GTF2IRD1: variants seen among roughly 807,000 people sequenced by gnomAD.
The protein encoded by GTF2IRD1 is GTF2I repeat domain containing 1.
GTF2IRD1 carries 26 observed loss-of-function variants against 113.2 expected under a neutral mutation model. That is an observed-to-expected ratio of 0.23 (90% CI 0.17 to 0.32). The LOEUF (loss-of-function observed/expected upper bound fraction) is 0.32. Among genes scored for constraint, GTF2IRD1 ranks in the 10% least tolerant of loss-of-function variants. The pLI, the probability that GTF2IRD1 is intolerant of heterozygous loss-of-function variation, is 1.00. For missense variants in GTF2IRD1, 864 were observed against 1,280.8 expected (o/e 0.67, Z 4.97); for synonymous variants, 484 against 529.1 (o/e 0.91, Z 1.17).
chr7:74,509,284 G>A (rs545610274), intron 2 of GTF2IRD1, among the ~76,000 whole-genome samples: 1 of 152,228 alleles, frequency 6.6e-6, no homozygotes, highest in Non-Finnish European at 1.5e-5. Flanking sequence ...TTGAACCCTG[G>A]AAGTGGAGGT....
chr7:74,538,803 C>T (rs1428875564), intron 13 of GTF2IRD1, 43 bp downstream of exon 13: 16 of 1,067,632 alleles, frequency 1.5e-5, no homozygotes, highest in South Asian at 1.1e-4. Flanking sequence ...AAATCAGGGC[C>T]GGACCGTTAG....
intron 2 of GTF2IRD1, among the ~76,000 whole-genome samples, chr7:74,508,936 T>C (rs1283686180): frequency 6.6e-6 from 1 of 152,114 alleles, no homozygotes; most frequent in Non-Finnish European, 1.5e-5. Flanking sequence ...CTTTGTATAA[T>C]ACATCACTCC....
chr7:74,549,653 T>C (rs1195370281), intron 17 of GTF2IRD1, among the ~76,000 whole-genome samples: 1 of 151,998 alleles, frequency 6.6e-6, no homozygotes, highest in East Asian at 1.9e-4. Context: ...AAAAGGAAGA[T>C]TGAGCCAGGC....
chr7:74,535,096 C>T lies in GTF2IRD1; in HGVS notation c.1275-17C>T. 6.2e-7 allele frequency: 1 copy of T among 1,611,008 alleles called. No homozygotes were observed. Among genetic ancestry groups the T allele is most frequent in the Non-Finnish European group, 8.5e-7 (1 of 1,177,214 alleles). On this transcript the variant is annotated splice_polypyrimidine_tract_variant and intron_variant, in intron 9 of 26. Coordinates refer to ENST00000424337, the MANE Select transcript of GTF2IRD1 (RefSeq NM_005685.4). ...CAGCCTGCACTGTTCTCATGCCTGT[C>T]TCTCTTCTCTCCCCAGGATGTTTGA...
chr7:74,477,412 G>A (rs1401525521), intron 1 of GTF2IRD1, among the ~76,000 whole-genome samples: 2 of 151,272 alleles, frequency 1.3e-5, no homozygotes, highest in East Asian at 1.9e-4. Context: ...GGGGTGGGAC[G>A]GGGCAGGGCA....
chr7:74,541,289 G>A (rs1461779448), intron 14 of GTF2IRD1, among the ~76,000 whole-genome samples: 6 of 151,572 alleles, frequency 4.0e-5, no homozygotes, highest in Non-Finnish European at 5.9e-5. Context: ...CCAGGAGTTC[G>A]AGACCAGCCT....
At chr7:74,532,571 C>T (rs948768513) in intron 9 of GTF2IRD1, among the ~76,000 whole-genome samples, 4 of 152,014 alleles carry the variant, frequency 2.6e-5, no homozygotes, top group African/African-American at 9.7e-5. Context: ...AATAATAAAA[C>T]GACAACCAAT....
At chr7:74,510,015 T>C (rs1554342457) in intron 2 of GTF2IRD1, among the ~76,000 whole-genome samples, 2 of 151,854 alleles carry the variant, frequency 1.3e-5, no homozygotes, top group African/African-American at 4.8e-5. Flanking sequence ...GGGTACAAAG[T>C]CTCCCCGAAA....
rs1554369341 is a variant in GTF2IRD1, at chr7:74,590,908, C to G, written c.2482C>G (p.Leu828Val). The G allele has an allele frequency of 1.2e-6, 2 of 1,613,600 alleles. No homozygotes were observed. The highest frequency in any genetic ancestry group is 1.7e-6 in the Non-Finnish European group (2 of 1,179,698). Residue 828 changes from leucine to valine, a missense_variant, in exon 24 of 27, where the codon CTG (leucine) becomes GTG (valine). By Grantham distance (32) the Leu-to-Val change is conservative (BLOSUM62 1). Transcript: ENST00000424337. Reference sequence around the variant, plus strand: ...CCCAGACGCCGTGGAGGTCACGGGTCTGCCTGATGACATCCCCTTCCGGAA... The same window carrying G: ...CCCAGACGCCGTGGAGGTCACGGGTGTGCCTGATGACATCCCCTTCCGGAA... ...DSPDAVEVTG[L>V]PDDIPFRNPN...
intron 7 of GTF2IRD1, among the ~76,000 whole-genome samples, chr7:74,522,035 C>T (rs958137629): frequency 2.8e-4 from 43 of 152,166 alleles, no homozygotes; most frequent in Middle Eastern, 3.4e-3. Context: ...CTAGCCTTGA[C>T]GGGGCTGCTT....
At chr7:74,549,420 AT>A (rs1159070646) in intron 17 of GTF2IRD1, among the ~76,000 whole-genome samples, 3 of 152,068 alleles carry the variant, frequency 2.0e-5, no homozygotes, top group Admixed American at 2.0e-4. Flanking sequence ...TCACAGCGTC[AT>A]TTTTCATACA....
chr7:74,504,611 G>T (rs916526578), intron 1 of GTF2IRD1, among the ~76,000 whole-genome samples: 1 of 152,094 alleles, frequency 6.6e-6, no homozygotes, highest in Non-Finnish European at 1.5e-5. Context: ...ACTGGCTGAG[G>T]CCTGGAGCTA....
intron 17 of GTF2IRD1, among the ~76,000 whole-genome samples, chr7:74,551,793 G>A (rs185065678): frequency 5.3e-5 from 8 of 152,050 alleles, no homozygotes; most frequent in East Asian, 1.9e-4. Flanking sequence ...AAAATTAGCC[G>A]GGTGTGGTGG....
chr7:74,491,532 T>C (rs1188508415), intron 1 of GTF2IRD1, among the ~76,000 whole-genome samples: 2 of 152,072 alleles, frequency 1.3e-5, no homozygotes, highest in South Asian at 2.1e-4. Flanking sequence ...TCTGTGTCCA[T>C]GTGTTCTCAT....
At chr7:74,472,290 C>T (rs1316598919) in intron 1 of GTF2IRD1, among the ~76,000 whole-genome samples, 2 of 152,196 alleles carry the variant, frequency 1.3e-5, no homozygotes, top group Non-Finnish European at 2.9e-5. Context: ...CCTAACCCCT[C>T]TTGGGGTTTC....
intron 19 of GTF2IRD1, among the ~76,000 whole-genome samples, chr7:74,556,305 G>A (rs1432241737): frequency 2.0e-5 from 3 of 151,570 alleles, no homozygotes; most frequent in African/African-American, 7.3e-5. Context: ...GATCCCTCCA[G>A]CACATGCTGG....
At chr7:74,475,353 G>A (rs971408006) in intron 1 of GTF2IRD1, among the ~76,000 whole-genome samples, 14 of 152,240 alleles carry the variant, frequency 9.2e-5, no homozygotes, top group African/African-American at 2.9e-4. Flanking sequence ...GGAAGGGACA[G>A]GGTGTTAATA....
chr7:74,583,012 TAAATTA>T (rs1444932033), intron 22 of GTF2IRD1, among the ~76,000 whole-genome samples: 3 of 151,842 alleles, frequency 2.0e-5, no homozygotes, highest in Admixed American at 2.0e-4. Flanking sequence ...CTCTTTACTC[TAAATTA>T]AATAAAAAGA....
intron 8 of GTF2IRD1, among the ~76,000 whole-genome samples, chr7:74,525,681 C>T (rs183160550): frequency 1.2e-3 from 182 of 152,024 alleles, no homozygotes; most frequent in African/African-American, 3.9e-3. Context: ...CACTTGAACC[C>T]GGGAGGCAGA....
Sources: gnomAD v4.1 joint callset for allele counts (sites outside exome capture counted in the v4.1 genomes callset) on GRCh38, gnomAD v4.1.1 for gene constraint, MANE v1.5 for transcripts, NCBI Gene and HGNC (gene_info 2026-07-23, HGNC 2026-07-21) for gene names.